Variants in FARS2 observed in about 807,000 individuals in gnomAD.
FARS2 encodes phenylalanyl-tRNA synthetase 2, mitochondrial, also known as phenylalanine--tRNA ligase, mitochondrial.
Under a neutral mutation model 46.4 loss-of-function variants are expected in FARS2, and 40 were observed. That is an observed-to-expected ratio of 0.86 (90% CI 0.67 to 1.12). The LOEUF is 1.12. FARS2 is among the 50% of genes most tolerant of loss of function. The pLI is 0.00. For missense variants in FARS2, 513 were observed against 567.9 expected (o/e 0.90, Z 0.98); for synonymous variants, 234 against 214.9 (o/e 1.09, Z -0.78).
At chr6:5,442,585 T>C (rs1763903150) in intron 4 of FARS2, among the ~76,000 whole-genome samples, 1 of 152,214 alleles carries the variant, frequency 6.6e-6, no homozygotes, top group South Asian at 2.1e-4. Context: ...GTCTCTCATG[T>C]TACTGCCTTA....
chr6:5,397,344 A>T (rs1760969237), intron 2 of FARS2, among the ~76,000 whole-genome samples: 1 of 152,166 alleles, frequency 6.6e-6, no homozygotes, highest in Admixed American at 6.5e-5. Flanking sequence ...GGGCACTGAA[A>T]ACACTGTGTG....
rs116735278 is a variant in FARS2, at chr6:5,638,923, G to C, written c.1217+25603G>C. Among the ~76,000 whole-genome samples the C allele has an allele frequency of 7.1e-3, 1,079 of 152,332 alleles. 21 individuals are homozygous for C. The highest frequency in any genetic ancestry group is 0.024 in the African/African-American group (1,013 of 41,576). On this transcript the variant is annotated intron_variant, in intron 6 of 6. Transcript: ENST00000274680. Reference sequence around the variant, plus strand: ...GGTCCAAGCACAGACTTGTACAGGGGCCTTGGAGGTGGCAGGCACTCTAAA... The same window carrying C: ...GGTCCAAGCACAGACTTGTACAGGGCCCTTGGAGGTGGCAGGCACTCTAAA...
At chr6:5,374,495 C>T (rs1581919252) in intron 2 of FARS2, among the ~76,000 whole-genome samples, 1 of 151,982 alleles carries the variant, frequency 6.6e-6, no homozygotes, top group African/African-American at 2.4e-5. Context: ...GCCTTTCCTC[C>T]ATCAGCCTCA....
At chr6:5,556,984 G>T (rs942181746) in intron 5 of FARS2, among the ~76,000 whole-genome samples, 2 of 152,082 alleles carry the variant, frequency 1.3e-5, no homozygotes, top group Non-Finnish European at 2.9e-5. Context: ...CTTTTATACT[G>T]CACAGAATCA....
At chr6:5,681,376 A>G (rs1464683466) in intron 6 of FARS2, among the ~76,000 whole-genome samples, 2 of 152,252 alleles carry the variant, frequency 1.3e-5, no homozygotes, top group African/African-American at 2.4e-5. Flanking sequence ...CCTAGTTCAC[A>G]TTTTATAAAT....
chr6:5,689,256 G>C (rs1235254329), intron 6 of FARS2, among the ~76,000 whole-genome samples: 2 of 152,070 alleles, frequency 1.3e-5, no homozygotes, highest in Admixed American at 6.5e-5. Context: ...GAATGTGTTT[G>C]CTCTTGCTTC....
At chr6:5,423,488 T>C (rs746655653) in intron 3 of FARS2, among the ~76,000 whole-genome samples, 5 of 152,068 alleles carry the variant, frequency 3.3e-5, no homozygotes, top group Non-Finnish European at 5.9e-5. Flanking sequence ...ACATTGGTCT[T>C]TCTGCCAAGC....
At chr6:5,645,951 T>C (rs1777054551) in intron 6 of FARS2, among the ~76,000 whole-genome samples, 1 of 152,174 alleles carries the variant, frequency 6.6e-6, no homozygotes, top group Non-Finnish European at 1.5e-5. Flanking sequence ...TTTACATGTT[T>C]TTTACTTAGT....
intron 4 of FARS2, among the ~76,000 whole-genome samples, chr6:5,514,109 T>A (rs1380676612): frequency 3.3e-5 from 5 of 150,388 alleles, no homozygotes; most frequent in African/African-American, 1.2e-4. Context: ...TATATATATA[T>A]GATAAAGTGA....
chr6:5,521,273 GACATTTGATA>G (rs1432617039), intron 4 of FARS2, among the ~76,000 whole-genome samples: 1 of 151,462 alleles, frequency 6.6e-6, no homozygotes, highest in African/African-American at 2.4e-5. Flanking sequence ...ATTCTGTACT[GACATTTGATA>G]ACATTCAGTA....
intron 1 of FARS2, among the ~76,000 whole-genome samples, chr6:5,333,657 G>C (rs1770950551): frequency 6.6e-6 from 1 of 152,168 alleles, no homozygotes; most frequent in Non-Finnish European, 1.5e-5. Flanking sequence ...TGAATTGGTG[G>C]TGGCTGAGTA....
At chr6:5,482,703 A>G (rs1766540881) in intron 4 of FARS2, among the ~76,000 whole-genome samples, 1 of 152,200 alleles carries the variant, frequency 6.6e-6, no homozygotes, top group Non-Finnish European at 1.5e-5. Context: ...CTGGGGAAGC[A>G]CAGAGAAAAA....
intron 1 of FARS2, among the ~76,000 whole-genome samples, chr6:5,262,349 G>T (rs1765223014): frequency 6.6e-6 from 1 of 152,048 alleles, no homozygotes; most frequent in Non-Finnish European, 1.5e-5. Flanking sequence ...GGGATCTCGG[G>T]CTCACTGCAA....
chr6:5,709,367 A>C (rs1582809169), intron 6 of FARS2, among the ~76,000 whole-genome samples: 1 of 152,334 alleles, frequency 6.6e-6, no homozygotes, highest in Non-Finnish European at 1.5e-5. Context: ...GAAGGAGGAC[A>C]GAGAATGTGG....
intron 6 of FARS2, among the ~76,000 whole-genome samples, chr6:5,687,520 A>T (rs185668484): frequency 1.5e-3 from 231 of 152,156 alleles, no homozygotes; most frequent in Non-Finnish European, 1.2e-3. Context: ...GATATGCGGC[A>T]TTATTTCTGA....
chr6:5,381,372 C>T (rs7768136), intron 2 of FARS2, among the ~76,000 whole-genome samples: 41,412 of 111,422 alleles, frequency 0.37, 6,337 homozygotes, highest in African/African-American at 0.48. Context: ...TCCCCAGAAA[C>T]ACACACACAC....
At position 5,421,308 on chromosome 6, in the gene FARS2, G is replaced by A. The variant is rs547599289; in HGVS notation, c.773-9733G>A. Among the ~76,000 whole-genome samples, 167 of 152,286 alleles carry A rather than the reference G, an allele frequency of 1.1e-3. 1 individual carries two copies. The highest frequency in any genetic ancestry group is 3.9e-3 in the African/African-American group (161 of 41,566). On this transcript the variant is annotated intron_variant, in intron 3 of 6. Coordinates refer to ENST00000274680, the MANE Select transcript of FARS2 (RefSeq NM_006567.5). ...AGTCCCTAGGCTGCACACAGCATGG[G>A]GACCCTGGGCCTGGCTCATGAAACC...
chr6:5,330,461 C>A (rs968431532), intron 1 of FARS2, among the ~76,000 whole-genome samples: 3 of 152,006 alleles, frequency 2.0e-5, no homozygotes. Flanking sequence ...CCACGGGTAC[C>A]CCAGGAACAT....
At chr6:5,679,073 A>T (rs1184333636) in intron 6 of FARS2, among the ~76,000 whole-genome samples, 2 of 152,202 alleles carry the variant, frequency 1.3e-5, no homozygotes, top group African/African-American at 4.8e-5. Flanking sequence ...AGCTCTAGGA[A>T]CATCCTGCCA....
Sources: allele counts gnomAD v4.1 joint callset (sites outside exome capture counted in the v4.1 genomes callset), GRCh38; gene constraint gnomAD v4.1.1; transcripts MANE v1.5; gene names NCBI Gene and HGNC (gene_info 2026-07-23, HGNC 2026-07-21).